Variants in FER observed in about 807,000 individuals in gnomAD.
FER encodes the protein FER tyrosine kinase, also known as tyrosine-protein kinase Fer.
Under a neutral mutation model 111.0 loss-of-function variants are expected in FER, and 63 were observed. The ratio of observed to expected loss-of-function variants is 0.57; its 90% CI spans 0.46 to 0.70. The LOEUF is 0.70. Among genes scored for constraint, FER ranks in the 30% least tolerant of loss-of-function variants. FER has a pLI of 0.00. For synonymous variants in FER, 327 were observed against 313.9 expected (o/e 1.04, Z -0.44); for missense variants, 914 against 954.0 (o/e 0.96, Z 0.55).
intron 9 of FER, among the ~76,000 whole-genome samples, chr5:108,886,988 T>C (rs946971663): frequency 3.3e-5 from 5 of 151,726 alleles, no homozygotes; most frequent in Non-Finnish European, 7.4e-5. Flanking sequence ...ATATTTCCTT[T>C]TATTGTGTAC....
intron 10 of FER, among the ~76,000 whole-genome samples, chr5:108,931,702 G>A (rs1754700881): frequency 6.6e-6 from 1 of 151,892 alleles, no homozygotes; most frequent in Admixed American, 6.6e-5. Context: ...TGGTGGCGGG[G>A]ACCTGTAATC....
chr5:109,144,343 C>T lies in FER; in HGVS notation c.2049-36404C>T, dbSNP rs1753835202. ...TACCAACTGGGAGTCAGTGAACGTG[C>T]ATTCTGGATTGGTGATGTCCTTGGC... On this transcript the variant is annotated intron_variant, in intron 17 of 19. Coordinates refer to ENST00000281092, the MANE Select transcript of FER (RefSeq NM_005246.4). 2.0e-5 allele frequency among the ~76,000 whole-genome samples: 3 copies of T among 152,032 alleles called. No homozygotes were observed. In the South Asian group the frequency reaches 6.2e-4, roughly 32 times the overall value.
At chr5:109,130,351 G>A (rs368844633) in intron 17 of FER, among the ~76,000 whole-genome samples, 22 of 151,826 alleles carry the variant, frequency 1.4e-4, no homozygotes, top group Admixed American at 6.6e-4. Context: ...CTTCTCTGTT[G>A]TACTACACTA....
chr5:108,964,933 T>C (rs1759606265), intron 13 of FER, among the ~76,000 whole-genome samples: 1 of 152,152 alleles, frequency 6.6e-6, no homozygotes, highest in African/African-American at 2.4e-5. Flanking sequence ...GTATGGGCTT[T>C]TCAAAAATTG....
intron 2 of FER, among the ~76,000 whole-genome samples, chr5:108,779,369 A>C (rs1753809632): frequency 6.6e-6 from 1 of 152,190 alleles, no homozygotes; most frequent in East Asian, 1.9e-4. Flanking sequence ...TGAATCTATA[A>C]ATGAAATTGG....
intron 2 of FER, among the ~76,000 whole-genome samples, chr5:108,777,993 A>C (rs1451423816): frequency 6.6e-6 from 1 of 152,238 alleles, no homozygotes; most frequent in South Asian, 2.1e-4. Flanking sequence ...GAACCAAATC[A>C]TATCAACTGT....
intron 8 of FER, among the ~76,000 whole-genome samples, chr5:108,880,928 A>G (rs1230464611): frequency 6.6e-6 from 1 of 152,172 alleles, no homozygotes; most frequent in African/African-American, 2.4e-5. Flanking sequence ...AATATGTATA[A>G]TAGTTTTTCT....
intron 16 of FER, among the ~76,000 whole-genome samples, chr5:109,081,365 T>C (rs1390357576): frequency 6.6e-6 from 1 of 152,008 alleles, no homozygotes; most frequent in African/African-American, 2.4e-5. Context: ...TAATCTTATC[T>C]TTTTCCCCAA....
At chr5:108,866,690 A>G (rs1016723588) in intron 5 of FER, among the ~76,000 whole-genome samples, 1 of 152,182 alleles carries the variant, frequency 6.6e-6, no homozygotes. Flanking sequence ...TTACATTAAA[A>G]AAAAAGATCT....
At chr5:109,084,649 G>T (rs1357918317) in intron 16 of FER, among the ~76,000 whole-genome samples, 6 of 151,726 alleles carry the variant, frequency 4.0e-5, no homozygotes, top group Non-Finnish European at 7.4e-5. Context: ...CTTTTGTGTG[G>T]TTACTGCTTT....
intron 17 of FER, among the ~76,000 whole-genome samples, chr5:109,140,091 T>C (rs190237890): frequency 1.3e-5 from 2 of 152,326 alleles, no homozygotes; most frequent in Admixed American, 1.3e-4. Flanking sequence ...ACAAAGTATT[T>C]AGTTTTTTCT....
At chr5:109,012,377 T>A (rs1166353349) in intron 13 of FER, among the ~76,000 whole-genome samples, 1 of 152,216 alleles carries the variant, frequency 6.6e-6, no homozygotes, top group East Asian at 1.9e-4. Flanking sequence ...CAACATTGCC[T>A]TCAATTGATG....
chr5:108,924,700 C>G, intron 10 of FER: 6 of 1,232,054 alleles, frequency 4.9e-6, no homozygotes, highest in Non-Finnish European at 6.1e-6. Context: ...TAAGGATCAG[C>G]TGGAGTCTGG....
chr5:108,981,148 A>G (rs1202693308), intron 13 of FER, among the ~76,000 whole-genome samples: 5 of 151,984 alleles, frequency 3.3e-5, no homozygotes, highest in Non-Finnish European at 7.4e-5. Context: ...CAATCGCTGA[A>G]GTTTTTTTTT....
At chr5:109,057,249 A>G (rs1274784695) in intron 16 of FER, among the ~76,000 whole-genome samples, 3 of 152,246 alleles carry the variant, frequency 2.0e-5, no homozygotes, top group Non-Finnish European at 4.4e-5. Flanking sequence ...AATTAAACCA[A>G]AATAAGTAGA....
chr5:108,861,802 G>A (rs1046920613), intron 5 of FER, among the ~76,000 whole-genome samples: 2 of 152,078 alleles, frequency 1.3e-5, no homozygotes, highest in African/African-American at 4.8e-5. Context: ...ATTTTTATTT[G>A]TAACATTGGT....
intron 13 of FER, among the ~76,000 whole-genome samples, chr5:109,003,693 A>T (rs1481926505): frequency 1.3e-5 from 2 of 152,110 alleles, no homozygotes; most frequent in Non-Finnish European, 1.5e-5. Context: ...AAATTAAAAA[A>T]TTATAGCCAG....
At chr5:109,166,685 G>C (rs1343923481) in intron 17 of FER, among the ~76,000 whole-genome samples, 1 of 152,176 alleles carries the variant, frequency 6.6e-6, no homozygotes, top group Non-Finnish European at 1.5e-5. Flanking sequence ...GTTTTCCACT[G>C]TTCTACTCAG....
chr5:108,823,744 G>A (rs762644131), intron 3 of FER, among the ~76,000 whole-genome samples: 10 of 151,900 alleles, frequency 6.6e-5, no homozygotes, highest in Admixed American at 1.3e-4. Context: ...TTTTTATTTG[G>A]TTATTTCCTT....
Sources: gnomAD v4.1 joint callset for allele counts (sites outside exome capture counted in the v4.1 genomes callset) on GRCh38, gnomAD v4.1.1 for gene constraint, MANE v1.5 for transcripts, NCBI Gene and HGNC (gene_info 2026-07-23, HGNC 2026-07-21) for gene names.